Variants in MYO16 observed in about 807,000 individuals in gnomAD.
MYO16 encodes unconventional myosin-XVI.
A neutral mutation model predicts 205.3 loss-of-function variants in MYO16; 94 were observed. The ratio of observed to expected loss-of-function variants is 0.46; its 90% confidence interval spans 0.39 to 0.54. The LOEUF is 0.54. MYO16 is among the 20% of genes least tolerant of loss of function. The probability of loss-of-function intolerance (pLI) is 0.00; values close to 1 mark genes in which losing one functional copy is unlikely to be tolerated. For synonymous variants in MYO16, 988 were observed against 954.0 expected (o/e 1.04, Z -0.66); for missense variants, 2,315 against 2,387.5 (o/e 0.97, Z 0.63).
At chr13:109,166,240 A>C (rs1393766853) in intron 33 of MYO16, among the ~76,000 whole-genome samples, 1 of 152,260 alleles carries the variant, frequency 6.6e-6, no homozygotes, top group East Asian at 1.9e-4. Flanking sequence ...CGAGAATTTC[A>C]GCAGAAATAG....
chr13:108,650,731 T>C (rs935380342), intron 1 of MYO16, among the ~76,000 whole-genome samples: 4 of 152,146 alleles, frequency 2.6e-5, no homozygotes, highest in African/African-American at 7.2e-5. Context: ...TTGGAAGAAA[T>C]AGAGCAACAA....
At chr13:108,555,921 C>T in the MYO16 span, among the ~76,000 whole-genome samples, 2 of 152,176 alleles carry the variant, frequency 1.3e-5, no homozygotes, top group African/African-American at 4.8e-5. Context: ...TTGCAAATGA[C>T]AGAATTTCCT....
intron 21 of MYO16, among the ~76,000 whole-genome samples, chr13:108,999,301 A>G (rs1248309182): frequency 1.3e-5 from 2 of 152,196 alleles, no homozygotes; most frequent in Non-Finnish European, 1.5e-5. Flanking sequence ...ATCTACCTCT[A>G]TCTTAAAGCA....
At chr13:108,984,389 C>T (rs1027704266) in intron 20 of MYO16, among the ~76,000 whole-genome samples, 2 of 152,302 alleles carry the variant, frequency 1.3e-5, no homozygotes, top group Middle Eastern at 6.8e-3. Flanking sequence ...AGCCTGGATT[C>T]CTGCCTTTCC....
intron 27 of MYO16, among the ~76,000 whole-genome samples, chr13:109,058,840 G>T (rs1311317537): frequency 6.6e-6 from 1 of 152,086 alleles, no homozygotes; most frequent in Non-Finnish European, 1.5e-5. Context: ...TTCAAAATTC[G>T]AGTCAATCTT....
At chr13:108,634,978 G>A (rs1025966644) in intron 1 of MYO16, among the ~76,000 whole-genome samples, 1 of 151,964 alleles carries the variant, frequency 6.6e-6, no homozygotes, top group African/African-American at 2.4e-5. Context: ...ATATATCTAG[G>A]CATTGTTTCT....
At chr13:109,173,661 T>C (rs966824270) in intron 33 of MYO16, among the ~76,000 whole-genome samples, 5 of 151,926 alleles carry the variant, frequency 3.3e-5, no homozygotes, top group Non-Finnish European at 5.9e-5. Context: ...TTTGGGAGGC[T>C]GAGGCAGGCG....
At chr13:109,095,208 A>G (rs1888741014) in intron 27 of MYO16, among the ~76,000 whole-genome samples, 1 of 152,246 alleles carries the variant, frequency 6.6e-6, no homozygotes, top group Non-Finnish European at 1.5e-5. Context: ...CCTCAGACAC[A>G]GAGCAAGTGA....
chr13:109,199,388 G>C (rs2139967054), intron 34 of MYO16, among the ~76,000 whole-genome samples: 1 of 151,772 alleles, frequency 6.6e-6, no homozygotes, highest in East Asian at 1.9e-4. Context: ...ATGCAAGCGT[G>C]AAGGTTTGCA....
intron 23 of MYO16, among the ~76,000 whole-genome samples, chr13:109,030,978 C>T (rs1359789420): frequency 6.6e-6 from 1 of 152,102 alleles, no homozygotes; most frequent in African/African-American, 2.4e-5. Flanking sequence ...TATCTCAGTA[C>T]CCTGGTTCAC....
intron 11 of MYO16, among the ~76,000 whole-genome samples, chr13:108,863,704 A>C (rs565979201): frequency 2.0e-5 from 3 of 152,224 alleles, no homozygotes; most frequent in Admixed American, 2.0e-4. Context: ...GTTGTTCTTA[A>C]AATGGGAAGT....
rs527859375 is a variant in MYO16 at position 108,904,759 on chromosome 13, A to G, written c.1778-5244A>G. Among the ~76,000 whole-genome samples, 4 of 151,922 alleles carry G rather than the reference A, an allele frequency of 2.6e-5. No homozygotes were observed. In the East Asian group the frequency reaches 5.8e-4, roughly 22 times the overall value. Reference sequence around the variant, plus strand: ...TGACTTCCAGAAACTTCCAACACCCACTCTCATCCTGTTGCATCCATCCCC... The same window carrying G: ...TGACTTCCAGAAACTTCCAACACCCGCTCTCATCCTGTTGCATCCATCCCC... On this transcript the variant is annotated intron_variant, in intron 15 of 34. Coordinates refer to ENST00000457511, the MANE Select transcript of MYO16 (RefSeq NM_001198950.3).
intron 28 of MYO16, among the ~76,000 whole-genome samples, chr13:109,102,882 C>T (rs947757614): frequency 6.6e-6 from 1 of 152,044 alleles, no homozygotes; most frequent in Non-Finnish European, 1.5e-5. Flanking sequence ...TCTATTTTCT[C>T]CACACTTTTC....
At position 108,957,738 on chromosome 13, in the gene MYO16, TGAACAGGGA is replaced by T. The variant is rs1228996721; in HGVS notation, c.1980_1988del (p.Asn660_Glu662del). 6.2e-7 allele frequency: 1 copy of T among 1,613,746 alleles called. No homozygotes were observed. The highest frequency in any genetic ancestry group is 1.3e-5 in the African/African-American group (1 of 75,056). ...GATGCATCCACAGGGGAGCGTTCTC[TGAACAGGGA>T]GAAATTGGCTGTTTTGAAACGAGCC... On this transcript the variant is annotated inframe_deletion, in exon 17 of 35. Coordinates refer to ENST00000457511, the MANE Select transcript of MYO16 (RefSeq NM_001198950.3).
At chr13:108,631,256 A>G (rs1224177883) in intron 1 of MYO16, among the ~76,000 whole-genome samples, 1 of 152,204 alleles carries the variant, frequency 6.6e-6, no homozygotes, top group Non-Finnish European at 1.5e-5. Context: ...GATGCTCATT[A>G]GACACATTGA....
chr13:109,128,700 A>G (rs761810521), intron 31 of MYO16, among the ~76,000 whole-genome samples: 9 of 152,172 alleles, frequency 5.9e-5, no homozygotes, highest in Admixed American at 2.6e-4. Flanking sequence ...AAATCTAGCA[A>G]ATTAACAAAT....
Position 109,104,288 on chromosome 13 carries a change from A to G in MYO16, c.3438+3401A>G, listed in dbSNP as rs546988950. Among the ~76,000 whole-genome samples, 49 of 152,326 alleles carry G rather than the reference A, an allele frequency of 3.2e-4. 1 individual carries two copies. Among genetic ancestry groups the G allele is most frequent in the African/African-American group, 1.2e-3 (48 of 41,564 alleles). ...ATTATGCATCACAGTACAAGCTTTG[A>G]TCAAAGGCACTTATACCGTTTATTC... On this transcript the variant is annotated intron_variant, in intron 28 of 34. Transcript: ENST00000457511.
At chr13:108,985,213 A>G (rs1884586525) in intron 20 of MYO16, among the ~76,000 whole-genome samples, 1 of 152,234 alleles carries the variant, frequency 6.6e-6, no homozygotes, top group South Asian at 2.1e-4. Flanking sequence ...CGTAGTGGAC[A>G]GCTGAGTTGA....
At chr13:108,971,315 A>G (rs977670948) in intron 20 of MYO16, among the ~76,000 whole-genome samples, 7 of 149,912 alleles carry the variant, frequency 4.7e-5, no homozygotes, top group African/African-American at 1.7e-4. Flanking sequence ...TTATTTCAAC[A>G]TCAGTTCTGA....
Sources: gnomAD v4.1 joint callset for allele counts (sites outside exome capture counted in the v4.1 genomes callset) on GRCh38, gnomAD v4.1.1 for gene constraint, MANE v1.5 for transcripts, NCBI Gene and HGNC (gene_info 2026-07-23, HGNC 2026-07-21) for gene names.